ANKRD10: variants seen among roughly 807,000 people sequenced by gnomAD.
The protein encoded by ANKRD10 is ankyrin repeat domain 10, also known as ankyrin repeat domain-containing protein 10.
A neutral mutation model predicts 27.0 loss-of-function variants in ANKRD10; 14 were observed. The ratio of observed to expected loss-of-function variants is 0.52; its 90% confidence interval spans 0.34 to 0.81. The LOEUF is 0.81. Among genes scored for constraint, ANKRD10 ranks in the 40% least tolerant of loss-of-function variants. The pLI, the probability that ANKRD10 is intolerant of heterozygous loss-of-function variation, is 0.01. For synonymous variants in ANKRD10, 250 were observed against 224.5 expected (o/e 1.11, Z -1.01); for missense variants, 493 against 544.0 (o/e 0.91, Z 0.93).
intron 1 of ANKRD10, among the ~76,000 whole-genome samples, chr13:110,911,077 C>A (rs1051719073): frequency 6.6e-6 from 1 of 152,222 alleles, no homozygotes; most frequent in Non-Finnish European, 1.5e-5. Context: ...TTGGACTGCG[C>A]TGTTCCAAGA....
At chr13:110,887,557 T>TA (rs1315997702) in intron 4 of ANKRD10, among the ~76,000 whole-genome samples, 1 of 152,180 alleles carries the variant, frequency 6.6e-6, no homozygotes, top group Non-Finnish European at 1.5e-5. Flanking sequence ...AAGCACTCTA[T>TA]AAAGTCATAC....
Position 110,892,416 on chromosome 13 carries a change from CA to C in ANKRD10, c.691+611del, listed in dbSNP as rs71127979. The stretch of plus-strand genomic sequence containing the variant: ...TTGCACTCCAGCCTGGGTGACAGAG[CA>C]AAAAAAAAAAAAAAAAAAATGGTGG... On this transcript the variant is annotated intron_variant, in intron 4 of 5. Transcript: ENST00000267339. Among the ~76,000 whole-genome samples the C allele has an allele frequency of 4.9e-3, 96 of 19,556 alleles. 3 individuals carry two copies. In the East Asian group the frequency reaches 0.074, roughly 15 times the overall value. The allele number at this position is 19,556 out of a possible 152,430, so 12.8% of individuals were successfully genotyped here.
chr13:110,897,928 T>C (rs1051935221), intron 3 of ANKRD10, among the ~76,000 whole-genome samples: 3 of 152,246 alleles, frequency 2.0e-5, no homozygotes, highest in Non-Finnish European at 4.4e-5. Flanking sequence ...TTTGATTCTC[T>C]TTAGAACGAA....
At chr13:110,906,265 CAAAG>C (rs1210835232) in intron 2 of ANKRD10, 141 bp from the exon 3 acceptor site, 5 of 662,952 alleles carry the variant, frequency 7.5e-6, no homozygotes, top group African/African-American at 1.8e-5. Flanking sequence ...AAGCAGAACA[CAAAG>C]AAATCTATAC....
chr13:110,882,688 T>C lies in ANKRD10; in HGVS notation c.787+1010A>G, dbSNP rs373772770. 4.6e-4 allele frequency among the ~76,000 whole-genome samples: 70 copies of C among 152,356 alleles called. No homozygotes were observed. The South Asian group carries it at 0.014, about 32-fold the overall frequency. On this transcript the variant is annotated intron_variant, in intron 5 of 5. Coordinates refer to ENST00000267339, the MANE Select transcript of ANKRD10 (RefSeq NM_017664.4). Reference sequence around the variant, plus strand: ...TACAGAAAACCTATTATTTTAAATATACTAACTGATCTGAATTTCTCTACT... The same window carrying C: ...TACAGAAAACCTATTATTTTAAATACACTAACTGATCTGAATTTCTCTACT...
chr13:110,896,934 C>T (rs975159165), intron 3 of ANKRD10, among the ~76,000 whole-genome samples: 1 of 152,094 alleles, frequency 6.6e-6, no homozygotes, highest in Non-Finnish European at 1.5e-5. Context: ...GTAAATATTC[C>T]TCTATCCTTT....
chr13:110,898,849 A>G (rs1594599006), intron 3 of ANKRD10, among the ~76,000 whole-genome samples: 1 of 140,632 alleles, frequency 7.1e-6, no homozygotes, highest in Admixed American at 8.0e-5. Context: ...TCTGCCTCCC[A>G]GGTTCAAGAG....
chr13:110,884,477 C>A (rs1442097621), intron 4 of ANKRD10, among the ~76,000 whole-genome samples: 1 of 152,202 alleles, frequency 6.6e-6, no homozygotes, highest in Admixed American at 6.5e-5. Context: ...TCACTTCTTA[C>A]AACAAGCAGC....
chr13:110,902,046 T>C (rs1052909445), intron 3 of ANKRD10, among the ~76,000 whole-genome samples: 1 of 55,274 alleles, frequency 1.8e-5, no homozygotes, highest in African/African-American at 6.2e-5. Flanking sequence ...CTGTCTCTTT[T>C]TAGAAAAAAA....
intron 4 of ANKRD10, among the ~76,000 whole-genome samples, chr13:110,885,280 T>A (rs1261439930): frequency 1.3e-5 from 2 of 150,558 alleles, no homozygotes; most frequent in Non-Finnish European, 3.0e-5. Flanking sequence ...GGGCTGGGCA[T>A]GGTGGCTCAT....
chr13:110,884,710 C>A (rs1027945067), intron 4 of ANKRD10, among the ~76,000 whole-genome samples: 1 of 152,174 alleles, frequency 6.6e-6, no homozygotes, highest in Admixed American at 6.5e-5. Context: ...ATCATGAATA[C>A]CACAATTAAC....
intron 3 of ANKRD10, among the ~76,000 whole-genome samples, chr13:110,896,337 C>G (rs1452195274): frequency 6.6e-6 from 1 of 152,130 alleles, no homozygotes; most frequent in East Asian, 1.9e-4. Context: ...TCCTTGTTAC[C>G]AAGGGCTGAA....
intron 2 of ANKRD10, among the ~76,000 whole-genome samples, chr13:110,906,833 G>A (rs1030854876): frequency 6.6e-6 from 1 of 152,040 alleles, no homozygotes; most frequent in African/African-American, 2.4e-5. Flanking sequence ...GTGGGGTGGC[G>A]GCGGTGGGGA....
intron 2 of ANKRD10, among the ~76,000 whole-genome samples, chr13:110,906,734 A>G (rs931272720): frequency 6.6e-6 from 1 of 152,014 alleles, no homozygotes; most frequent in Non-Finnish European, 1.5e-5. Flanking sequence ...TATTTTCAGT[A>G]TTTATTAGAG....
intron 4 of ANKRD10, 28 bp from the exon 5 acceptor site, chr13:110,883,821 A>T (rs779131115): frequency 6.3e-7 from 1 of 1,590,138 alleles, no homozygotes; most frequent in South Asian, 1.1e-5. Context: ...ACTATTTCAG[A>T]TTCCTTTGTC....
chr13:110,902,987 AGTAG>A (rs1451967530), intron 3 of ANKRD10, among the ~76,000 whole-genome samples: 1 of 152,240 alleles, frequency 6.6e-6, no homozygotes, highest in African/African-American at 2.4e-5. Context: ...TTACAATGCT[AGTAG>A]TGAAAAGGTC....
intron 1 of ANKRD10, among the ~76,000 whole-genome samples, chr13:110,911,104 T>C (rs1015958490): frequency 6.6e-6 from 1 of 152,222 alleles, no homozygotes; most frequent in Non-Finnish European, 1.5e-5. Context: ...TCAAAACTGT[T>C]TGTTGCACAG....
At chr13:110,893,676 A>T (rs989263618) in intron 3 of ANKRD10, among the ~76,000 whole-genome samples, 1 of 152,230 alleles carries the variant, frequency 6.6e-6, no homozygotes, top group Non-Finnish European at 1.5e-5. Flanking sequence ...CATGGCATTC[A>T]TAACTGTCTT....
intron 5 of ANKRD10, among the ~76,000 whole-genome samples, chr13:110,880,615 G>A (rs1438785400): frequency 1.3e-5 from 2 of 152,020 alleles, no homozygotes; most frequent in Non-Finnish European, 2.9e-5. Context: ...ATGTATGACA[G>A]CATCACATGA....
Sources: gnomAD v4.1 joint callset for allele counts (sites outside exome capture counted in the v4.1 genomes callset) on GRCh38, gnomAD v4.1.1 for gene constraint, MANE v1.5 for transcripts, NCBI Gene and HGNC (gene_info 2026-07-23, HGNC 2026-07-21) for gene names.